DGKI: variants seen among roughly 807,000 people sequenced by gnomAD.
DGKI encodes the protein DAG kinase iota.
A neutral mutation model predicts 147.5 loss-of-function variants in DGKI; 55 were observed. That is an observed-to-expected ratio of 0.37 (90% CI 0.30 to 0.47). DGKI has a LOEUF of 0.47. DGKI is among the 20% of genes least tolerant of loss of function. The pLI, the probability that DGKI is intolerant of heterozygous loss-of-function variation, is 1.00. For missense variants in DGKI, 1,007 were observed against 1,323.8 expected (o/e 0.76, Z 3.71); for synonymous variants, 469 against 477.1 (o/e 0.98, Z 0.22).
chr7:137,505,847 G>C (rs1463855945), intron 21 of DGKI, among the ~76,000 whole-genome samples: 1 of 151,836 alleles, frequency 6.6e-6, no homozygotes, highest in Non-Finnish European at 1.5e-5. Flanking sequence ...AGCAAATACA[G>C]TCATCAAAAG....
chr7:137,710,819 C>T (rs1394085722), intron 1 of DGKI, among the ~76,000 whole-genome samples: 2 of 152,020 alleles, frequency 1.3e-5, no homozygotes, highest in East Asian at 3.8e-4. Context: ...TCATCAAAAA[C>T]ACCATGAAGA....
At chr7:137,426,332 T>C (rs1336826377) in intron 28 of DGKI, among the ~76,000 whole-genome samples, 4 of 152,086 alleles carry the variant, frequency 2.6e-5, no homozygotes, top group South Asian at 4.1e-4. Context: ...TAAAATACTT[T>C]ACAGACAAGC....
At chr7:137,737,055 T>A (rs570002034) in intron 1 of DGKI, among the ~76,000 whole-genome samples, 1 of 152,004 alleles carries the variant, frequency 6.6e-6, no homozygotes, top group Non-Finnish European at 1.5e-5. Context: ...CGGAAAACTA[T>A]TAAAGCTAAA....
At chr7:137,844,713 C>T (rs1798659048) in intron 1 of DGKI, among the ~76,000 whole-genome samples, 1 of 152,158 alleles carries the variant, frequency 6.6e-6, no homozygotes, top group Non-Finnish European at 1.5e-5. Context: ...GCATGCAACT[C>T]AGAAAGCCAA....
intron 19 of DGKI, among the ~76,000 whole-genome samples, chr7:137,560,421 GA>G (rs953538865): frequency 6.6e-6 from 1 of 152,056 alleles, no homozygotes; most frequent in Non-Finnish European, 1.5e-5. Context: ...GTTCGTTGGG[GA>G]AAAAAATAAA....
chr7:137,463,640 A>T (rs1814539311), intron 26 of DGKI, 29 bp from the exon 27 acceptor site: 2 of 1,606,954 alleles, frequency 1.2e-6, no homozygotes, highest in Non-Finnish European at 8.5e-7. Context: ...CCAGACAGTT[A>T]AACATTCAAA....
intron 27 of DGKI, among the ~76,000 whole-genome samples, chr7:137,447,052 T>C (rs1184947546): frequency 1.3e-5 from 2 of 152,248 alleles, no homozygotes; most frequent in African/African-American, 4.8e-5. Flanking sequence ...TTCCTGATCA[T>C]GAGTCCTTTA....
At chr7:137,814,461 C>T (rs1001385794) in intron 1 of DGKI, among the ~76,000 whole-genome samples, 2 of 152,050 alleles carry the variant, frequency 1.3e-5, no homozygotes, top group Admixed American at 6.6e-5. Flanking sequence ...TTTTCCCACC[C>T]ATCTATGTTT....
intron 1 of DGKI, among the ~76,000 whole-genome samples, chr7:137,765,713 G>C (rs58113709): frequency 6.6e-6 from 1 of 152,054 alleles, no homozygotes; most frequent in Admixed American, 6.5e-5. Flanking sequence ...TGAATCCCAC[G>C]TCGTTTACTA....
rs575228003 is a variant in DGKI, at chr7:137,415,607, G to A, written c.2762-3400C>T. 2.0e-5 allele frequency among the ~76,000 whole-genome samples: 3 copies of A among 152,250 alleles called. No homozygotes were observed. The South Asian group carries it at 6.2e-4, about 32-fold the overall frequency. ...TGACTGAAGCAGAATGTCTCTAATA[G>A]GAGAGAAAGAAGGTTAGGAAAGTTG... On this transcript the variant is annotated intron_variant, in intron 28 of 32. Coordinates refer to ENST00000614521, the MANE Select transcript of DGKI (RefSeq NM_001321708.2).
intron 7 of DGKI, among the ~76,000 whole-genome samples, chr7:137,622,575 T>C (rs907323398): frequency 6.6e-6 from 1 of 152,148 alleles, no homozygotes; most frequent in Non-Finnish European, 1.5e-5. Flanking sequence ...CATTGTAGCA[T>C]GAAAGTGTCT....
intron 1 of DGKI, among the ~76,000 whole-genome samples, chr7:137,755,019 AT>A (rs1585448358): frequency 6.6e-6 from 1 of 152,174 alleles, no homozygotes; most frequent in Non-Finnish European, 1.5e-5. Flanking sequence ...TAGGAACTTT[AT>A]TCTTTATTTT....
At chr7:137,399,205 T>C (rs949986843) in intron 30 of DGKI, among the ~76,000 whole-genome samples, 1 of 152,162 alleles carries the variant, frequency 6.6e-6, no homozygotes, top group Non-Finnish European at 1.5e-5. Flanking sequence ...AAAGCACTTA[T>C]TTGGTTCTAT....
At position 137,666,674 on chromosome 7, in the gene DGKI, C is replaced by T. The variant is rs115653332; in HGVS notation, c.607-10134G>A. On this transcript the variant is annotated intron_variant, in intron 3 of 32. Transcript: ENST00000614521. Reference sequence around the variant, plus strand: ...AACTGATGCCCTCAGAGTTGCCAGGCGGAGAGTCATGGGGAATGATACTCA... The same window carrying T: ...AACTGATGCCCTCAGAGTTGCCAGGTGGAGAGTCATGGGGAATGATACTCA... Among the ~76,000 whole-genome samples the T allele has an allele frequency of 7.3e-3, 1,108 of 152,176 alleles. 17 individuals are homozygous for T. Among genetic ancestry groups the T allele is most frequent in the African/African-American group, 0.025 (1,042 of 41,504 alleles).
At chr7:137,553,178 A>C (rs1470898779) in intron 19 of DGKI, among the ~76,000 whole-genome samples, 1 of 152,212 alleles carries the variant, frequency 6.6e-6, no homozygotes, top group Non-Finnish European at 1.5e-5. Flanking sequence ...TCTTTGTGTT[A>C]TCTATTCTCA....
At chr7:137,627,963 A>G (rs536087851) in intron 6 of DGKI, among the ~76,000 whole-genome samples, 5 of 152,232 alleles carry the variant, frequency 3.3e-5, no homozygotes, top group Non-Finnish European at 4.4e-5. Context: ...GCATCAAATG[A>G]GGCCATGCAT....
At position 137,466,949 on chromosome 7, in the gene DGKI, G is replaced by GA. The variant is rs763241097; in HGVS notation, c.2444-8dup. ...AAGCGATCAGCAGAAGTTGCTAGGG[G>GA]AAAAAAAATGCAGATGGCATTCAGA... On this transcript the variant is annotated splice_region_variant and splice_polypyrimidine_tract_variant and intron_variant, in intron 24 of 32. Transcript: ENST00000614521. 2.7e-5 allele frequency: 44 copies of GA among 1,612,344 alleles called. No individual in the cohort carries two copies. The African/African-American group carries it at 3.1e-4, about 11-fold the overall frequency.
chr7:137,409,904 CTT>C (rs529177150), intron 29 of DGKI, among the ~76,000 whole-genome samples: 2 of 152,098 alleles, frequency 1.3e-5, no homozygotes, highest in Non-Finnish European at 1.5e-5. Flanking sequence ...CTCTCTCTCT[CTT>C]TCTCTCCCTC....
intron 1 of DGKI, among the ~76,000 whole-genome samples, chr7:137,718,343 C>T (rs1794445391): frequency 6.6e-6 from 1 of 152,148 alleles, no homozygotes; most frequent in African/African-American, 2.4e-5. Flanking sequence ...AACAATGGGG[C>T]TGGGATTTGA....
Sources: gnomAD v4.1 joint callset for allele counts (sites outside exome capture counted in the v4.1 genomes callset) on GRCh38, gnomAD v4.1.1 for gene constraint, MANE v1.5 for transcripts, NCBI Gene and HGNC (gene_info 2026-07-23, HGNC 2026-07-21) for gene names.